Variants in PCDH15 observed in about 807,000 individuals in gnomAD.
PCDH15 encodes the protein protocadherin-15.
PCDH15 carries 129 observed loss-of-function variants against 178.5 expected under a neutral mutation model. That is an observed-to-expected ratio of 0.72 (90% CI 0.63 to 0.84). The LOEUF (loss-of-function observed/expected upper bound fraction) is 0.84. Ranked by LOEUF, PCDH15 falls within the 40% of genes least tolerant of loss-of-function variation. The probability of loss-of-function intolerance (pLI) is 0.00; values close to 1 mark genes in which losing one functional copy is unlikely to be tolerated. For missense variants in PCDH15, 2,230 were observed against 2,099.9 expected (o/e 1.06, Z -1.21); for synonymous variants, 800 against 732.0 (o/e 1.09, Z -1.50).
At chr10:55,062,588 G>T (rs1841460375) in intron 2 of PCDH15, among the ~76,000 whole-genome samples, 1 of 152,182 alleles carries the variant, frequency 6.6e-6, no homozygotes, top group South Asian at 2.1e-4. Context: ...TGAAGGGAAA[G>T]ATGGATAAAT....
intron 2 of PCDH15, among the ~76,000 whole-genome samples, chr10:55,000,121 C>A (rs1839765113): frequency 6.6e-6 from 1 of 152,264 alleles, no homozygotes; most frequent in African/African-American, 2.4e-5. Context: ...TGAGAGCAGA[C>A]AACCAGTCTC....
At chr10:54,144,485 T>A (rs2133217708) in intron 14 of PCDH15, among the ~76,000 whole-genome samples, 2 of 152,270 alleles carry the variant, frequency 1.3e-5, no homozygotes, top group Middle Eastern at 6.8e-3. Flanking sequence ...AGACCCCTCA[T>A]TCATCATGAT....
intron 2 of PCDH15, among the ~76,000 whole-genome samples, chr10:54,936,456 C>A (rs1175429513): frequency 6.6e-6 from 1 of 151,898 alleles, no homozygotes; most frequent in African/African-American, 2.4e-5. Context: ...AACTGCCAAA[C>A]AGTTTTCTAA....
At chr10:54,122,382 C>T (rs1393514906) in intron 15 of PCDH15, among the ~76,000 whole-genome samples, 2 of 151,884 alleles carry the variant, frequency 1.3e-5, no homozygotes, top group East Asian at 3.9e-4. Context: ...ATAATAAAAG[C>T]TATCTACAAC....
chr10:55,059,986 T>TG (rs760897050), intron 2 of PCDH15, among the ~76,000 whole-genome samples: 1 of 79,996 alleles, frequency 1.3e-5, no homozygotes, highest in Non-Finnish European at 3.1e-5. Flanking sequence ...ATACAAAAAA[T>TG]TAAAAAAAAA....
intron 1 of PCDH15, among the ~76,000 whole-genome samples, chr10:54,670,192 A>G (rs2094637968): frequency 6.6e-6 from 1 of 152,176 alleles, no homozygotes; most frequent in African/African-American, 2.4e-5. Context: ...ATTAAGAACT[A>G]ATCTTGCTAT....
At chr10:55,067,334 T>C (rs912497367) in intron 2 of PCDH15, among the ~76,000 whole-genome samples, 1 of 151,986 alleles carries the variant, frequency 6.6e-6, no homozygotes, top group Admixed American at 6.6e-5. Flanking sequence ...ATATGTAGTG[T>C]TTGTCTTTTT....
intron 2 of PCDH15, among the ~76,000 whole-genome samples, chr10:55,162,721 G>A (rs1395599400): frequency 6.6e-6 from 1 of 152,088 alleles, no homozygotes; most frequent in Non-Finnish European, 1.5e-5. Flanking sequence ...TCTGGATTGC[G>A]ACCTCTTTCT....
At chr10:54,730,205 A>G (rs1298783301) in intron 1 of PCDH15, among the ~76,000 whole-genome samples, 1 of 151,700 alleles carries the variant, frequency 6.6e-6, no homozygotes, top group Non-Finnish European at 1.5e-5. Context: ...ATACCATGGA[A>G]TACTACACAG....
At chr10:54,533,367 T>C (rs2132776653) in intron 2 of PCDH15, among the ~76,000 whole-genome samples, 1 of 152,250 alleles carries the variant, frequency 6.6e-6, no homozygotes, top group Middle Eastern at 3.4e-3. Flanking sequence ...ACTCAGCAGA[T>C]GTGAAAGGCT....
At chr10:55,439,399 A>G (rs1206004406) in intron 2 of PCDH15, among the ~76,000 whole-genome samples, 1 of 152,170 alleles carries the variant, frequency 6.6e-6, no homozygotes, top group Non-Finnish European at 1.5e-5. Flanking sequence ...GCCACAATAG[A>G]ATTAACATTG....
At chr10:55,627,401 C>G (rs780559688) in intron 2 of PCDH15, among the ~76,000 whole-genome samples, 2 of 152,002 alleles carry the variant, frequency 1.3e-5, no homozygotes, top group Non-Finnish European at 2.9e-5. Context: ...TCACATTCCC[C>G]CAACACAAAC....
intron 18 of PCDH15, among the ~76,000 whole-genome samples, chr10:54,037,113 T>C (rs1399516861): frequency 1.3e-5 from 2 of 151,992 alleles, no homozygotes; most frequent in African/African-American, 2.4e-5. Flanking sequence ...TTGCTTTTTA[T>C]GGAAGAGCAA....
intron 2 of PCDH15, among the ~76,000 whole-genome samples, chr10:54,619,991 C>CA (rs1490072678): frequency 6.6e-6 from 1 of 151,412 alleles, no homozygotes; most frequent in African/African-American, 2.4e-5. Flanking sequence ...GGGAAAAAAT[C>CA]AAAAAAACAG....
At chr10:54,345,559 G>T (rs575106273) in intron 6 of PCDH15, among the ~76,000 whole-genome samples, 2 of 151,840 alleles carry the variant, frequency 1.3e-5, no homozygotes, top group African/African-American at 2.4e-5. Flanking sequence ...ATCTTACTTT[G>T]TCTGTTTTTT....
intron 1 of PCDH15, among the ~76,000 whole-genome samples, chr10:55,311,520 C>T (rs1418909438): frequency 6.6e-6 from 1 of 152,132 alleles, no homozygotes; most frequent in Non-Finnish European, 1.5e-5. Flanking sequence ...AGGTATTTAA[C>T]CAAATGCATT....
chr10:54,610,409 T>G (rs1317873924), intron 2 of PCDH15, among the ~76,000 whole-genome samples: 1 of 151,914 alleles, frequency 6.6e-6, no homozygotes, highest in Non-Finnish European at 1.5e-5. Flanking sequence ...TAGGTACGTT[T>G]TAACCATTTT....
intron 2 of PCDH15, among the ~76,000 whole-genome samples, chr10:55,408,783 C>A (rs778886535): frequency 6.6e-6 from 1 of 151,892 alleles, no homozygotes; most frequent in African/African-American, 2.4e-5. Flanking sequence ...CCTCTTACAA[C>A]TCTATGATCA....
At chr10:53,915,896 C>A (rs1333841151) in intron 25 of PCDH15, among the ~76,000 whole-genome samples, 1 of 152,050 alleles carries the variant, frequency 6.6e-6, no homozygotes, top group Non-Finnish European at 1.5e-5. Flanking sequence ...TTGGCTAAGT[C>A]TTTTCATGAA....
Sources: gnomAD v4.1 joint callset for allele counts (sites outside exome capture counted in the v4.1 genomes callset) on GRCh38, gnomAD v4.1.1 for gene constraint, MANE v1.5 for transcripts, NCBI Gene and HGNC (gene_info 2026-07-23, HGNC 2026-07-21) for gene names.